Variants in ZNF142 observed in about 807,000 individuals in gnomAD.
ZNF142 encodes the protein zinc finger protein 142 (clone pHZ-49).
Under a neutral mutation model 132.1 loss-of-function variants are expected in ZNF142, and 96 were observed. That is an observed-to-expected ratio of 0.73 (90% CI 0.62 to 0.86). The LOEUF (loss-of-function observed/expected upper bound fraction) is 0.86, where lower values mean the gene tolerates loss of function less well. Ranked by LOEUF, ZNF142 falls within the 40% of genes least tolerant of loss-of-function variation. The pLI, the probability that ZNF142 is intolerant of heterozygous loss-of-function variation, is 0.00. For missense variants in ZNF142, 2,163 were observed against 2,336.2 expected, an observed-to-expected ratio of 0.93 and a Z score of 1.53; for synonymous variants, 842 against 890.1, an observed-to-expected ratio of 0.95 and a Z score of 0.96.
At chr2:218,650,256 C>G in intron 6 of ZNF142, 103 bp downstream of exon 6, 1 of 1,423,764 alleles carries the variant, frequency 7.0e-7, no homozygotes, top group Non-Finnish European at 9.7e-7. Flanking sequence ...ATAAAAGGAT[C>G]CGAACCAAAG....
At chr2:218,649,679 T>C (rs1433787373) in intron 6 of ZNF142, among the ~76,000 whole-genome samples, 1 of 152,230 alleles carries the variant, frequency 6.6e-6, no homozygotes, top group Non-Finnish European at 1.5e-5. Context: ...TGTGACAGCC[T>C]GTTTGAAGTG....
chr2:218,651,850 C>T lies in ZNF142; in HGVS notation c.731G>A (p.Arg244Gln), dbSNP rs866456437. Residue 244 changes from arginine to glutamine, a missense_variant, in exon 5 of 11, where the codon CGG (arginine) becomes CAG (glutamine). Physicochemically the swap from Arg to Gln is conservative, Grantham distance 43. Coordinates refer to ENST00000411696, the MANE Select transcript of ZNF142 (RefSeq NM_001379659.1). ...GCAGTGGAAAGGGTAATGCGCCTGC[C>T]GGTGCAGCTCCATGCCCTGCTGGCT... The part of the protein sequence containing the change: ...FGSQQGMELH[R>Q]QAHYPFHCSH... 1.2e-5 allele frequency: 16 copies of T among 1,289,782 alleles called. No homozygotes were observed. Among genetic ancestry groups the T allele is most frequent in the African/African-American group, 1.1e-4 (7 of 65,890 alleles). 79.9% of individuals were successfully genotyped at this position (1,289,782 alleles called of 1,614,324 possible). A position where few individuals can be genotyped will look rare whatever the true frequency, so the allele number is the denominator to read the frequency against.
rs530726603 is a variant in ZNF142 at position 218,634,730 on chromosome 2, C to T, written c.*3609G>A. ...GACCGGAATGTAGAGGCCGGATAGC[C>T]TATTAACAGTGTCTAGTTTTAGCTT... On this transcript the variant is annotated 3_prime_UTR_variant, in exon 11 of 11. Transcript: ENST00000411696. The surrounding 1 kb of genome is among the most constrained non-coding windows in gnomAD (Gnocchi z 4.0). The T allele has an allele frequency of 6.0e-6, 8 of 1,340,018 alleles. No individual in the cohort carries two copies. The highest frequency in any genetic ancestry group is 4.4e-5 in the African/African-American group (3 of 68,166). 83.0% of individuals were successfully genotyped at this position (1,340,018 alleles called of 1,614,324 possible).
At chr2:218,651,330 C>A (rs189806846) in intron 5 of ZNF142, among the ~76,000 whole-genome samples, 26 of 152,314 alleles carry the variant, frequency 1.7e-4, no homozygotes, top group African/African-American at 5.8e-4. Context: ...ACTGCCCAAT[C>A]CCCAGTTGCT....
rs1349195465 is a variant in ZNF142 at position 218,656,188 on chromosome 2, G to GCTA, written c.239_241dup (p.Val80dup). 3 of 1,609,832 alleles carry GCTA rather than the reference G, an allele frequency of 1.9e-6. No individual in the cohort carries two copies. The highest frequency in any genetic ancestry group is 2.5e-6 in the Non-Finnish European group (3 of 1,177,560). On this transcript the variant is annotated inframe_insertion, in exon 4 of 11. Transcript: ENST00000411696. ...AGGAGCACCTGGGGTCAGGGTTCCA[G>GCTA]CTACTGTCTCCACAATGATCTCCAT...
In ZNF142 at chr2:218,646,366, G is replaced by T; in HGVS notation, c.1874-18C>A. The T allele has an allele frequency of 3.7e-6, 6 of 1,613,066 alleles. No individual in the cohort carries two copies. The highest frequency in any genetic ancestry group is 5.1e-6 in the Non-Finnish European group (6 of 1,179,458). ...CTTCTCACCTTATATGGGGGATGCG[G>T]ATGAAGGGAGAGAACACAGGTCAGA... On this transcript the variant is annotated intron_variant, in intron 7 of 10. Transcript: ENST00000411696.
intron 3 of ZNF142, among the ~76,000 whole-genome samples, chr2:218,657,556 G>C (rs1031981195): frequency 6.6e-5 from 10 of 152,058 alleles, no homozygotes; most frequent in African/African-American, 2.4e-4. Context: ...AGCCTCCTGA[G>C]TAGCTGGGAT....
chr2:218,636,477 G>A lies in ZNF142; in HGVS notation c.*1862C>T, dbSNP rs771737211. The A allele has an allele frequency of 1.2e-5, 19 of 1,613,846 alleles. No individual in the cohort carries two copies. The highest frequency in any genetic ancestry group is 3.3e-5 in the Admixed American group (2 of 59,984). On this transcript the variant is annotated 3_prime_UTR_variant, in exon 11 of 11. Coordinates refer to ENST00000411696, the MANE Select transcript of ZNF142 (RefSeq NM_001379659.1). Reference sequence around the variant, plus strand: ...GTCCTCCTGCCCCTTCCAGGTTACCGCCACATTCACCTGCTGTCCAAAGAT... The same window carrying A: ...GTCCTCCTGCCCCTTCCAGGTTACCACCACATTCACCTGCTGTCCAAAGAT...
chr2:218,638,243 T>C lies in ZNF142; in HGVS notation c.*96A>G, dbSNP rs1696868099. 1 of 1,264,566 alleles carries C rather than the reference T, an allele frequency of 7.9e-7. No homozygotes were observed. The highest frequency in any genetic ancestry group is 2.2e-5 in the South Asian group (1 of 46,310). 78.3% of individuals were successfully genotyped at this position (1,264,566 alleles called of 1,614,324 possible). A position where few individuals can be genotyped will look rare whatever the true frequency, so the allele number is the denominator to read the frequency against. On this transcript the variant is annotated 3_prime_UTR_variant, in exon 11 of 11. Transcript: ENST00000411696. ...GTCACCCTTGTACCCCAAAAGCCAG[T>C]CTTTCCTTAGGCTCTGAGCTCCTCA...
At chr2:218,658,342 C>A (rs776441730) in intron 3 of ZNF142, among the ~76,000 whole-genome samples, 1 of 152,108 alleles carries the variant, frequency 6.6e-6, no homozygotes, top group African/African-American at 2.4e-5. Context: ...AAGTTCGAGA[C>A]CAGCCTGGCG....
rs1334804382 is a variant in ZNF142, at chr2:218,644,338, C to A, written c.2778G>T (p.Leu926=). 1.2e-6 allele frequency: 2 copies of A among 1,614,104 alleles called. No individual in the cohort carries two copies. Among genetic ancestry groups the A allele is most frequent in the South Asian group, 1.1e-5 (1 of 91,082 alleles). The change falls in exon 9 of 11, where the codon CTG becomes CTT. Residue 926 remains leucine, a synonymous_variant. Transcript: ENST00000411696. The surrounding 1 kb of genome is among the most constrained non-coding windows in gnomAD (Gnocchi z 4.6). Reference sequence around the variant, plus strand: ...CCAGTCCATCTGGCCCTTCCAGTCCCAGGGGCCTGAACTCCATAGGGGCTG... The same window carrying A: ...CCAGTCCATCTGGCCCTTCCAGTCCAAGGGGCCTGAACTCCATAGGGGCTG... ...TETAPMEFRP[L]GLEGPDGLEG...
Position 218,634,278 on chromosome 2 carries a change from A to T in ZNF142, c.*4061T>A. ...GTGGAGGAGCAGCAGGTGGGAAATAAGTTCTCTAGTGATGGTAGGGTTGGG... is the reference window on the plus strand; with the variant it reads ...GTGGAGGAGCAGCAGGTGGGAAATATGTTCTCTAGTGATGGTAGGGTTGGG... On this transcript the variant is annotated 3_prime_UTR_variant, in exon 11 of 11. Transcript: ENST00000411696. The surrounding 1 kb of genome is among the most constrained non-coding windows in gnomAD (Gnocchi z 4.0). 1 of 1,576,884 alleles carries T rather than the reference A, an allele frequency of 6.3e-7. No homozygotes were observed. The highest frequency in any genetic ancestry group is 1.1e-5 in the South Asian group (1 of 86,958).
chr2:218,654,668 T>A (rs1051129164), intron 4 of ZNF142, among the ~76,000 whole-genome samples: 1 of 152,000 alleles, frequency 6.6e-6, no homozygotes, highest in Non-Finnish European at 1.5e-5. Context: ...CCCAGCCACA[T>A]CTCTTATTTT....
intron 4 of ZNF142, among the ~76,000 whole-genome samples, chr2:218,654,642 G>A (rs1256139136): frequency 6.6e-6 from 1 of 152,062 alleles, no homozygotes; most frequent in East Asian, 1.9e-4. Context: ...TAGGATTATA[G>A]GCATGAGCCA....
In ZNF142 at chr2:218,644,637, A is replaced by T. The variant is rs1171457877; in HGVS notation, c.2479T>A (p.Ser827Thr). 2 of 1,613,974 alleles carry T rather than the reference A, an allele frequency of 1.2e-6. No individual in the cohort carries two copies. Among genetic ancestry groups the T allele is most frequent in the Admixed American group, 3.3e-5 (2 of 59,988 alleles). Residue 827 changes from serine (S) to threonine (T), a missense_variant, in exon 9 of 11, where the codon TCA becomes ACA. Physicochemically the swap from Ser to Thr is moderately conservative, Grantham distance 58. Around this residue, in one of 7 missense-constraint regions of ZNF142, gnomAD observed 749 missense variants for 830.3 expected, o/e 0.90. Coordinates refer to ENST00000411696, the MANE Select transcript of ZNF142 (RefSeq NM_001379659.1). This position sits in a 1 kb window ranked among gnomAD's most constrained non-coding sequence, Gnocchi z 4.6. ...GCTGACAGCTGGTTTGAGGGCTCTGAATCTGGTGGGGGTGTTGGGCCCTGC... is the reference window on the plus strand; with the variant it reads ...GCTGACAGCTGGTTTGAGGGCTCTGTATCTGGTGGGGGTGTTGGGCCCTGC... Reference protein sequence around the residue: ...AMQGPTPPPDSEPSNQLSARP... With the variant: ...AMQGPTPPPDTEPSNQLSARP...
chr2:218,643,962 T>G lies in ZNF142; in HGVS notation c.3154A>C (p.Asn1052His). Residue 1052 changes from asparagine to histidine, a missense_variant, in exon 9 of 11, where the codon AAT becomes CAT. Physicochemically the swap from Asn to His is moderately conservative, Grantham distance 68. This residue lies in a region of ZNF142 where 809 missense variants were observed against 801.7 expected (regional missense o/e 1.01). Transcript: ENST00000411696. ...TGGCACCCAGTCCTGGAGTGCAGAT[T>G]CAGGGCCTTCTCCCGGCGAGTGATA... ...PFITRREKALNLHSRTGCQGR... is the reference protein window; with the variant it reads ...PFITRREKALHLHSRTGCQGR... 6.2e-7 allele frequency: 1 copy of G among 1,614,102 alleles called. No homozygotes were observed. Among genetic ancestry groups the G allele is most frequent in the Non-Finnish European group, 8.5e-7 (1 of 1,179,988 alleles).
intron 5 of ZNF142, among the ~76,000 whole-genome samples, 184 bp from the exon 6 acceptor site, chr2:218,650,710 T>C (rs1411678874): frequency 6.6e-6 from 1 of 152,240 alleles, no homozygotes; most frequent in Non-Finnish European, 1.5e-5. Flanking sequence ...GCTAAGTTAT[T>C]AGCAATGTTC....
At position 218,644,926 on chromosome 2, in the gene ZNF142, G is replaced by A; in HGVS notation, c.2190C>T (p.His730=). The part of the protein sequence containing the change: ...ACKRKYELQK[H]MASQHHPGTP... ...TGCCAGGGTGGTGCTGGGAAGCCAT[G>A]TGCTTCTGCAGCTCATACTTCCGCT... Residue 730 remains histidine (H), a synonymous_variant, in exon 9 of 11, where the codon CAC becomes CAT. Transcript: ENST00000411696. This position sits in a 1 kb window ranked among gnomAD's most constrained non-coding sequence, Gnocchi z 4.6. 6.2e-7 allele frequency: 1 copy of A among 1,614,050 alleles called. No homozygotes were observed. The highest frequency in any genetic ancestry group is 8.5e-7 in the Non-Finnish European group (1 of 1,179,948).
intron 9 of ZNF142, among the ~76,000 whole-genome samples, chr2:218,641,405 C>T (rs183648325): frequency 0.026 from 3,960 of 151,848 alleles, 170 homozygotes; most frequent in African/African-American, 0.091. Flanking sequence ...CCACCACACC[C>T]GGCTAATTTT....
Sources: gnomAD v4.1 joint callset for allele counts (sites outside exome capture counted in the v4.1 genomes callset) on GRCh38, gnomAD v4.1.1 for gene constraint, gnomAD v4.1.1 regional missense constraint, Gnocchi (gnomAD v3.1) non-coding constraint, MANE v1.5 for transcripts, NCBI Gene and HGNC (gene_info 2026-07-23, HGNC 2026-07-21) for gene names.